The following TCERG1 variants were observed in gnomAD, a reference collection of about 807,000 sequenced individuals.
The protein encoded by TCERG1 is TATA box binding protein (TBP)-associated factor, RNA polymerase II, S, 150kD.
Under a neutral mutation model 144.7 loss-of-function variants are expected in TCERG1, and 37 were observed. That is an observed-to-expected ratio of 0.26 (90% CI 0.20 to 0.34). TCERG1 has a LOEUF of 0.34. TCERG1 is among the 10% of genes least tolerant of loss of function. TCERG1 has a pLI of 1.00. For synonymous variants in TCERG1, 492 were observed against 458.2 expected, an observed-to-expected ratio of 1.07 and a Z score of -0.94; for missense variants, 1,027 against 1,380.7, an observed-to-expected ratio of 0.74 and a Z score of 4.06.
intron 9 of TCERG1, among the ~76,000 whole-genome samples, chr5:146,475,872 A>G (rs1764798925): frequency 6.6e-6 from 1 of 152,250 alleles, no homozygotes; most frequent in Non-Finnish European, 1.5e-5. Context: ...AGTTTTCAGA[A>G]TAGTGAGTTG....
intron 1 of TCERG1, among the ~76,000 whole-genome samples, chr5:146,451,490 T>C (rs1762338753): frequency 1.3e-5 from 2 of 151,732 alleles, no homozygotes; most frequent in Non-Finnish European, 2.9e-5. Context: ...ACCCGGCTAA[T>C]TTCTGTATTT....
At position 146,498,517 on chromosome 5, in the gene TCERG1, A is replaced by C. The variant is rs562454333; in HGVS notation, c.2283-19A>C. On this transcript the variant is annotated intron_variant, in intron 16 of 22. Transcript: ENST00000679501. ...CAGAAGTAACTGCCAAAGTTAGCAC[A>C]CTTGTAATTTTGTTACAGAGCAACT... The C allele has an allele frequency of 1.7e-5, 27 of 1,594,502 alleles. No individual in the cohort carries two copies. In the South Asian group the frequency reaches 3.0e-4, roughly 18 times the overall value.
intron 17 of TCERG1, among the ~76,000 whole-genome samples, chr5:146,501,112 T>A (rs1767399510): frequency 6.6e-6 from 1 of 152,196 alleles, no homozygotes. Context: ...TATAAAATTG[T>A]GGTTCAAATA....
At chr5:146,501,906 TTTTTTTTG>T in intron 17 of TCERG1, among the ~76,000 whole-genome samples, 1 of 142,342 alleles carries the variant, frequency 7.0e-6, no homozygotes, top group East Asian at 2.0e-4. Flanking sequence ...TTTTTTTTTT[TTTTTTTTG>T]AGATGGAGTT....
In TCERG1 at chr5:146,470,731, A is replaced by T; in HGVS notation, c.1495A>T (p.Ile499Leu). The change falls in exon 8 of 23, where the codon ATA becomes TTA. Residue 499 changes from isoleucine (I) to leucine (L), a missense_variant. By Grantham distance (5) the Ile-to-Leu change is conservative (BLOSUM62 2). Around this residue, in one of 6 missense-constraint regions of TCERG1, gnomAD observed 482 missense variants for 632.6 expected, o/e 0.76. Coordinates refer to ENST00000679501, the MANE Select transcript of TCERG1 (RefSeq NM_001382548.1). ...TEEEDPKEEP[I>L]KEIKEEPKEE... is the part of the protein sequence containing the mutation. ...GGAGGAGGATCCTAAAGAAGAGCCT[A>T]TAAAGGAGATAAAGGAGGTAAAGGG... 1 of 1,610,414 alleles carries T rather than the reference A, an allele frequency of 6.2e-7. No homozygotes were observed. Among genetic ancestry groups the T allele is most frequent in the South Asian group, 1.1e-5 (1 of 90,146 alleles).
intron 2 of TCERG1, 119 bp from the exon 3 acceptor site, chr5:146,457,064 G>A (rs1178365880): frequency 7.6e-7 from 1 of 1,316,838 alleles, no homozygotes; most frequent in Non-Finnish European, 1.0e-6. Context: ...ACAGGTGAAT[G>A]TGTTTGAATA....
chr5:146,488,115 G>A (rs1766020569), intron 15 of TCERG1, among the ~76,000 whole-genome samples: 1 of 151,948 alleles, frequency 6.6e-6, no homozygotes, highest in Admixed American at 6.6e-5. Flanking sequence ...ATAGATCAAA[G>A]ACCTACATAT....
chr5:146,468,249 A>C lies in TCERG1; in HGVS notation c.1136-92A>C. 2.0e-6 allele frequency: 2 copies of C among 1,014,616 alleles called. 1 individual carries two copies. Among genetic ancestry groups the C allele is most frequent in the South Asian group, 4.0e-5 (2 of 49,394 alleles). The allele number at this position is 1,014,616 out of a possible 1,614,324, so 62.9% of individuals were successfully genotyped here. ...TCTTTTTCATTGGAAATAGCATTCTAAATTGTAGTGGTAAATTATTTCCCT... is the reference window on the plus strand; with the variant it reads ...TCTTTTTCATTGGAAATAGCATTCTCAATTGTAGTGGTAAATTATTTCCCT... On this transcript the variant is annotated intron_variant, in intron 5 of 22. Transcript: ENST00000679501.
chr5:146,465,551 C>T (rs1244356731), intron 5 of TCERG1, among the ~76,000 whole-genome samples: 10 of 152,016 alleles, frequency 6.6e-5, no homozygotes, highest in Non-Finnish European at 1.3e-4. Context: ...ATCCTTGCTC[C>T]ATCATTAAAA....
chr5:146,454,959 TAAG>T (rs1762700089), intron 1 of TCERG1, 94 bp from the exon 2 acceptor site: 13 of 1,341,688 alleles, frequency 9.7e-6, no homozygotes, highest in Non-Finnish European at 1.3e-5. Context: ...CACTTAGACT[TAAG>T]AACCTTTTAA....
Position 146,487,280 on chromosome 5 carries a change from A to C in TCERG1, c.2163+3651A>C, listed in dbSNP as rs188591765. Among the ~76,000 whole-genome samples the C allele has an allele frequency of 1.9e-4, 29 of 152,318 alleles. 1 individual carries two copies. The highest frequency in any genetic ancestry group is 1.1e-3 in the Admixed American group (17 of 15,294). ...CAAGTGAAAGACCCCCATAAGGAAG[A>C]TTATAAGATACTGATGAAAGAAACT... is the stretch of plus-strand genomic sequence containing the variant. On this transcript the variant is annotated intron_variant, in intron 15 of 22. Transcript: ENST00000679501.
chr5:146,503,627 T>C, intron 18 of TCERG1, 88 bp downstream of exon 18: 2 of 1,488,828 alleles, frequency 1.3e-6, no homozygotes, highest in Non-Finnish European at 1.8e-6. Context: ...GATTTTTCTA[T>C]TGGGGGTTTG....
At chr5:146,497,241 C>T (rs922756076) in intron 16 of TCERG1, among the ~76,000 whole-genome samples, 2 of 152,050 alleles carry the variant, frequency 1.3e-5, no homozygotes, top group African/African-American at 4.8e-5. Context: ...GGCACGATCT[C>T]GGCTCTACAG....
At chr5:146,463,413 A>G (rs1441678200) in intron 4 of TCERG1, 138 bp from the exon 5 acceptor site, 1 of 1,227,228 alleles carries the variant, frequency 8.1e-7, no homozygotes, top group Non-Finnish European at 1.1e-6. Flanking sequence ...TCTTGAAGAT[A>G]AGACCTTTTG....
rs771009262 is a variant in TCERG1, at chr5:146,458,902, C to T, written c.457C>T (p.Arg153Trp). Reference sequence around the variant, plus strand: ...GCTGCAGGTTTATTATTATAATGCTCGGACACGTGAATCTGCATGGACCAA... The same window carrying T: ...GCTGCAGGTTTATTATTATAATGCTTGGACACGTGAATCTGCATGGACCAA... ...PDGKVYYYNA[R>W]TRESAWTKPD... Residue 153 changes from arginine to tryptophan, a missense_variant, in exon 4 of 23, where the codon CGG becomes TGG. Arg to Trp is a moderately radical substitution (Grantham distance 101). Coordinates refer to ENST00000679501, the MANE Select transcript of TCERG1 (RefSeq NM_001382548.1). The T allele has an allele frequency of 1.1e-5, 18 of 1,609,534 alleles. No homozygotes were observed. Among genetic ancestry groups the T allele is most frequent in the African/African-American group, 8.0e-5 (6 of 74,786 alleles).
Position 146,470,755 on chromosome 5 carries a change from G to A in TCERG1, c.1512+7G>A. 1 of 1,590,638 alleles carries A rather than the reference G, an allele frequency of 6.3e-7. No individual in the cohort carries two copies. Among genetic ancestry groups the A allele is most frequent in the Non-Finnish European group, 8.5e-7 (1 of 1,170,198 alleles). On this transcript the variant is annotated splice_region_variant and intron_variant, in intron 8 of 22. Transcript: ENST00000679501. ...TATAAAGGAGATAAAGGAGGTAAAGGGCCATGACCTGTTAACCTGGGAGCC... is the reference window on the plus strand; with the variant it reads ...TATAAAGGAGATAAAGGAGGTAAAGAGCCATGACCTGTTAACCTGGGAGCC...
At position 146,459,182 on chromosome 5, in the gene TCERG1, A is replaced by C; in HGVS notation, c.737A>C (p.Gln246Pro). 6.2e-7 allele frequency: 1 copy of C among 1,614,102 alleles called. No homozygotes were observed. Among genetic ancestry groups the C allele is most frequent in the Non-Finnish European group, 8.5e-7 (1 of 1,179,942 alleles). ...CAGGCCCAGGCTCAGGTCCAGGCCCAGGTCCAGGCACAAGTGCAAGCACAA... is the reference window on the plus strand; with the variant it reads ...CAGGCCCAGGCTCAGGTCCAGGCCCCGGTCCAGGCACAAGTGCAAGCACAA... ...QAQAQAQVQA[Q>P]VQAQVQAQAV... is the part of the protein sequence containing the mutation. Residue 246 changes from glutamine (Q) to proline (P), a missense_variant, in exon 4 of 23, where the codon CAG (glutamine) becomes CCG (proline). Gln to Pro is a moderately conservative substitution (Grantham distance 76, BLOSUM62 -1). Transcript: ENST00000679501.
rs1419099432 is a variant in TCERG1, at chr5:146,487,650, A to G, written c.2163+4021A>G. 4.6e-5 allele frequency among the ~76,000 whole-genome samples: 7 copies of G among 151,608 alleles called. No homozygotes were observed. In the South Asian group the frequency reaches 1.5e-3, roughly 32 times the overall value. ...CTTGGGAGACTAAGGTGTGGGGATC[A>G]CTTGATCCAGGAGTTTGAGGTTACA... On this transcript the variant is annotated intron_variant, in intron 15 of 22. Transcript: ENST00000679501.
intron 3 of TCERG1, 144 bp downstream of exon 3, chr5:146,457,479 T>C: frequency 1.3e-6 from 1 of 789,872 alleles, no homozygotes; most frequent in Non-Finnish European, 1.9e-6. Context: ...CAGGAGAAGC[T>C]GACTGGATTT....
Sources: gnomAD v4.1 joint callset for allele counts (sites outside exome capture counted in the v4.1 genomes callset) on GRCh38, gnomAD v4.1.1 for gene constraint, gnomAD v4.1.1 regional missense constraint, MANE v1.5 for transcripts, NCBI Gene and HGNC (gene_info 2026-07-23, HGNC 2026-07-21) for gene names.